TUBGCP3: variants seen among roughly 807,000 people sequenced by gnomAD.
TUBGCP3 encodes gamma-tubulin complex component 3.
In TUBGCP3, 50 loss-of-function variants were observed where a neutral mutation model predicts 123.1. The ratio of observed to expected loss-of-function variants is 0.41; its 90% CI spans 0.32 to 0.51. TUBGCP3 has a LOEUF of 0.51. TUBGCP3 is among the 20% of genes least tolerant of loss of function. TUBGCP3 has a pLI of 0.36. For synonymous variants in TUBGCP3, 405 were observed against 413.9 expected (o/e 0.98, Z 0.26); for missense variants, 882 against 1,127.0 (o/e 0.78, Z 3.11).
At chr13:112,578,285 C>T (rs1353384764) in intron 1 of TUBGCP3, among the ~76,000 whole-genome samples, 4 of 151,978 alleles carry the variant, frequency 2.6e-5, no homozygotes, top group African/African-American at 9.7e-5. Context: ...CTCGGCCGGG[C>T]GCGGTGGCTC....
chr13:112,543,665 T>C (rs1214682442), intron 11 of TUBGCP3, among the ~76,000 whole-genome samples: 1 of 152,210 alleles, frequency 6.6e-6, no homozygotes, highest in Non-Finnish European at 1.5e-5. Flanking sequence ...TAGTTTATGA[T>C]AAAACGTAGT....
Position 112,519,112 on chromosome 13 carries a change from G to T in TUBGCP3, c.1882-69C>A. Reference sequence around the variant, plus strand: ...TTGCTGAAGAACTTGTTAACGCAAAGAAAAAGCAGTAAAATAATGCCCAAT... The same window carrying T: ...TTGCTGAAGAACTTGTTAACGCAAATAAAAAGCAGTAAAATAATGCCCAAT... On this transcript the variant is annotated intron_variant, in intron 15 of 21. Transcript: ENST00000261965. The surrounding 1 kb of genome is among the most constrained non-coding windows in gnomAD (Gnocchi z 6.2). 7.7e-7 allele frequency: 1 copy of T among 1,299,658 alleles called. No individual in the cohort carries two copies. Among genetic ancestry groups the T allele is most frequent in the Non-Finnish European group, 1.1e-6 (1 of 898,050 alleles). The allele number at this position is 1,299,658 out of a possible 1,614,324, so 80.5% of individuals were successfully genotyped here. A position where few individuals can be genotyped will look rare whatever the true frequency, so the allele number is the denominator to read the frequency against.
intron 7 of TUBGCP3, 43 bp downstream of exon 7, chr13:112,554,844 T>C: frequency 7.0e-7 from 1 of 1,432,184 alleles, no homozygotes; most frequent in Non-Finnish European, 9.6e-7. Context: ...ATGACATGTT[T>C]TTTCTTTCTG....
Position 112,572,760 on chromosome 13 carries a change from C to T in TUBGCP3, c.77-3501G>A, listed in dbSNP as rs183401375. Among the ~76,000 whole-genome samples the T allele has an allele frequency of 9.9e-5, 15 of 152,270 alleles. No homozygotes were observed. In the East Asian group the frequency reaches 1.7e-3, roughly 18 times the overall value. On this transcript the variant is annotated intron_variant, in intron 1 of 21. Transcript: ENST00000261965. The stretch of plus-strand genomic sequence containing the variant: ...GCAGCATCAAAGATCACAAGTTACA[C>T]ATCAACGTAACAGATGTAATAATCA...
chr13:112,529,794 T>C (rs576249505), intron 11 of TUBGCP3, among the ~76,000 whole-genome samples: 1 of 152,362 alleles, frequency 6.6e-6, no homozygotes, highest in South Asian at 2.1e-4. Context: ...CTGTGATGCA[T>C]GGCAGCTGAG....
chr13:112,570,201 C>T lies in TUBGCP3; in HGVS notation c.77-942G>A, dbSNP rs183773078. ...GTCACTAAGTAAAGTTAACAGACAACTCAGGGATCCCCAGTCCTTCCCAGA... is the reference window on the plus strand; with the variant it reads ...GTCACTAAGTAAAGTTAACAGACAATTCAGGGATCCCCAGTCCTTCCCAGA... On this transcript the variant is annotated intron_variant, in intron 1 of 21. Coordinates refer to ENST00000261965, the MANE Select transcript of TUBGCP3 (RefSeq NM_006322.6). 4.7e-3 allele frequency among the ~76,000 whole-genome samples: 707 copies of T among 151,782 alleles called. 2 individuals are homozygous for T. The highest frequency in any genetic ancestry group is 0.011 in the South Asian group (52 of 4,796).
rs1437645843 is a variant in TUBGCP3 at position 112,545,279 on chromosome 13, G to C, written c.1335+420C>G. ...GCAGCACATGCTGCGTTACAGAACT[G>C]ACCCTATTTCAATAGCTACATACAC... On this transcript the variant is annotated intron_variant, in intron 11 of 21. Coordinates refer to ENST00000261965, the MANE Select transcript of TUBGCP3 (RefSeq NM_006322.6). The surrounding 1 kb of genome is among the most constrained non-coding windows in gnomAD (Gnocchi z 4.1). 1 of 176,978 alleles carries C rather than the reference G, an allele frequency of 5.7e-6. No homozygotes were observed. Among genetic ancestry groups the C allele is most frequent in the Non-Finnish European group, 1.2e-5 (1 of 81,472 alleles). 11.0% of individuals were successfully genotyped at this position (176,978 alleles called of 1,614,324 possible). A position where few individuals can be genotyped will look rare whatever the true frequency, so the allele number is the denominator to read the frequency against.
In TUBGCP3 at chr13:112,558,430, A is replaced by C; in HGVS notation, c.331-17T>G. ...GCTAGAAACCTGAAAAGAGAAACAC[A>C]CTAAGAGCAGAGACAGGAAATTACA... On this transcript the variant is annotated splice_polypyrimidine_tract_variant and intron_variant, in intron 4 of 21. Transcript: ENST00000261965. The C allele has an allele frequency of 6.6e-7, 1 of 1,520,026 alleles. No homozygotes were observed. The highest frequency in any genetic ancestry group is 8.9e-7 in the Non-Finnish European group (1 of 1,123,796). 94.2% of individuals were successfully genotyped at this position (1,520,026 alleles called of 1,614,324 possible). A position where few individuals can be genotyped will look rare whatever the true frequency, so the allele number is the denominator to read the frequency against.
In TUBGCP3 at chr13:112,508,178, G is replaced by A. The variant is rs575963942; in HGVS notation, c.2087-3464C>T. On this transcript the variant is annotated intron_variant, in intron 17 of 21. Coordinates refer to ENST00000261965, the MANE Select transcript of TUBGCP3 (RefSeq NM_006322.6). The surrounding 1 kb of genome is among the most constrained non-coding windows in gnomAD (Gnocchi z 4.2). Reference sequence around the variant, plus strand: ...GGCTTTGGCTCTGCCTGTATCCCTCGTGCCCCCTAGTCACTCCAAGCCCGC... The same window carrying A: ...GGCTTTGGCTCTGCCTGTATCCCTCATGCCCCCTAGTCACTCCAAGCCCGC... Among the ~76,000 whole-genome samples, 2 of 151,952 alleles carry A rather than the reference G, an allele frequency of 1.3e-5. No homozygotes were observed. Among genetic ancestry groups the A allele is most frequent in the South Asian group, 2.1e-4 (1 of 4,788 alleles).
chr13:112,519,250 T>C lies in TUBGCP3; in HGVS notation c.1882-207A>G, dbSNP rs1198396127. Among the ~76,000 whole-genome samples, 2 of 152,372 alleles carry C rather than the reference T, an allele frequency of 1.3e-5. No individual in the cohort carries two copies. Among genetic ancestry groups the C allele is most frequent in the Admixed American group, 6.5e-5 (1 of 15,304 alleles). On this transcript the variant is annotated intron_variant, in intron 15 of 21. Coordinates refer to ENST00000261965, the MANE Select transcript of TUBGCP3 (RefSeq NM_006322.6). The surrounding 1 kb of genome is among the most constrained non-coding windows in gnomAD (Gnocchi z 6.2). ...TGCTCTGCAAACATCTGGCAATGCA[T>C]GGTGTATTTCTGAATGAATATTGTG... is the stretch of plus-strand genomic sequence containing the variant.
intron 1 of TUBGCP3, among the ~76,000 whole-genome samples, chr13:112,578,752 C>T (rs140860122): frequency 3.0e-3 from 459 of 152,110 alleles, no homozygotes; most frequent in African/African-American, 0.01. Context: ...AGGGCCTTCA[C>T]AGCCTCCATA....
intron 3 of TUBGCP3, among the ~76,000 whole-genome samples, chr13:112,563,125 T>C (rs1880652323): frequency 6.6e-6 from 1 of 152,202 alleles, no homozygotes; most frequent in Admixed American, 6.5e-5. Context: ...CACAGCACTC[T>C]ACTCCCGTCT....
intron 17 of TUBGCP3, among the ~76,000 whole-genome samples, chr13:112,506,159 C>T (rs1460501618): frequency 6.6e-6 from 1 of 152,172 alleles, no homozygotes; most frequent in African/African-American, 2.4e-5. Context: ...AGACAATGCA[C>T]CTTTCAGATG....
chr13:112,558,551 A>G, intron 4 of TUBGCP3, 138 bp from the exon 5 acceptor site: 5 of 734,864 alleles, frequency 6.8e-6, no homozygotes, highest in Middle Eastern at 3.9e-4. Flanking sequence ...TAAACAATAA[A>G]TTAGATGTTA....
chr13:112,591,966 T>G (rs1321083453), upstream of TUBGCP3, among the ~76,000 whole-genome samples: 1 of 152,150 alleles, frequency 6.6e-6, no homozygotes, highest in Non-Finnish European at 1.5e-5. Flanking sequence ...CCAGGAGCAC[T>G]GGAGATACGG....
chr13:112,496,130 G>A (rs1002639340), intron 20 of TUBGCP3, among the ~76,000 whole-genome samples: 1 of 152,156 alleles, frequency 6.6e-6, no homozygotes, highest in African/African-American at 2.4e-5. Context: ...AATTAAGTAC[G>A]ATCATGTTAG....
At chr13:112,498,733 G>A in intron 20 of TUBGCP3, 1 of 1,485,652 alleles carries the variant, frequency 6.7e-7, no homozygotes, top group African/African-American at 1.4e-5. Context: ...CAGAGCGGAG[G>A]CAGCTGTGGA....
chr13:112,560,506 C>A (rs1263869680), intron 3 of TUBGCP3, among the ~76,000 whole-genome samples: 1 of 152,116 alleles, frequency 6.6e-6, no homozygotes, highest in East Asian at 1.9e-4. Flanking sequence ...CAAGGGTTAT[C>A]ATACAGATTT....
chr13:112,561,470 G>C (rs1413458729), intron 3 of TUBGCP3, among the ~76,000 whole-genome samples: 1 of 152,194 alleles, frequency 6.6e-6, no homozygotes, highest in African/African-American at 2.4e-5. Flanking sequence ...TACATGCAGG[G>C]TTCAAACCCA....
Sources: allele counts gnomAD v4.1 joint callset (sites outside exome capture counted in the v4.1 genomes callset), GRCh38; gene constraint gnomAD v4.1.1; non-coding constraint Gnocchi (gnomAD v3.1); transcripts MANE v1.5; gene names NCBI Gene and HGNC (gene_info 2026-07-23, HGNC 2026-07-21).